BTRC: variants seen among roughly 807,000 people sequenced by gnomAD.
BTRC encodes beta-transducin repeat containing E3 ubiquitin protein ligase.
BTRC carries 42 observed loss-of-function variants against 85.5 expected under a neutral mutation model. The observed-to-expected ratio is 0.49, with a 90% CI of 0.38 to 0.64. BTRC has a LOEUF of 0.64. Ranked by LOEUF, BTRC falls within the 30% of genes least tolerant of loss-of-function variation. The pLI is 0.00. For synonymous variants in BTRC, 255 were observed against 263.3 expected, an observed-to-expected ratio of 0.97 and a Z score of 0.30; for missense variants, 594 against 743.5, an observed-to-expected ratio of 0.80 and a Z score of 2.34.
At chr10:101,392,836 T>C (rs1943272315) in intron 1 of BTRC, among the ~76,000 whole-genome samples, 1 of 152,232 alleles carries the variant, frequency 6.6e-6, no homozygotes, top group East Asian at 1.9e-4. Context: ...TTAAAAGTTT[T>C]AATATTCCCC....
At chr10:101,472,308 T>TCTTCTCTTCC (rs1314694973) in intron 3 of BTRC, among the ~76,000 whole-genome samples, 8 of 151,106 alleles carry the variant, frequency 5.3e-5, no homozygotes, top group African/African-American at 1.7e-4. Flanking sequence ...TCTTCTCTTC[T>TCTTCTCTTCC]CTTCTCTTCT....
At chr10:101,451,420 G>A (rs1015636545) in intron 2 of BTRC, among the ~76,000 whole-genome samples, 1 of 152,128 alleles carries the variant, frequency 6.6e-6, no homozygotes, top group Non-Finnish European at 1.5e-5. Context: ...ACATCAGCCA[G>A]AACAAGCATA....
intron 1 of BTRC, among the ~76,000 whole-genome samples, chr10:101,359,216 G>A (rs1590195327): frequency 6.6e-6 from 1 of 152,282 alleles, no homozygotes; most frequent in East Asian, 1.9e-4. Flanking sequence ...ATTGTCAGAT[G>A]TTTCACTGTA....
chr10:101,464,707 A>G (rs1041204029), intron 3 of BTRC, among the ~76,000 whole-genome samples: 7 of 152,188 alleles, frequency 4.6e-5, no homozygotes, highest in African/African-American at 1.7e-4. Context: ...GTTCTTGGAA[A>G]GAGAAATGGC....
At chr10:101,375,619 G>A (rs185561982) in intron 1 of BTRC, among the ~76,000 whole-genome samples, 64 of 152,306 alleles carry the variant, frequency 4.2e-4, no homozygotes, top group Admixed American at 7.2e-4. Context: ...GTAGCAAAGC[G>A]TTGCTTCAAG....
At chr10:101,489,717 A>AT (rs1039717589) in intron 4 of BTRC, among the ~76,000 whole-genome samples, 5 of 152,042 alleles carry the variant, frequency 3.3e-5, no homozygotes, top group African/African-American at 9.7e-5. Flanking sequence ...ATAAAATTGT[A>AT]TTTTTTCCTT....
chr10:101,363,615 C>T (rs1403719879), intron 1 of BTRC, among the ~76,000 whole-genome samples: 2 of 152,002 alleles, frequency 1.3e-5, no homozygotes, highest in African/African-American at 2.4e-5. Flanking sequence ...TGCACCACCA[C>T]GCCCGGCTAA....
At chr10:101,506,061 C>T (rs1477740919) in intron 4 of BTRC, among the ~76,000 whole-genome samples, 4 of 152,140 alleles carry the variant, frequency 2.6e-5, no homozygotes, top group South Asian at 4.1e-4. Flanking sequence ...CTACCGGTGC[C>T]GGCCACCATG....
rs547832683 is a variant in BTRC at position 101,495,446 on chromosome 10, G to A, written c.324+15989G>A. Among the ~76,000 whole-genome samples the A allele has an allele frequency of 3.0e-3, 464 of 152,228 alleles. 1 individual carries two copies. The highest frequency in any genetic ancestry group is 4.7e-3 in the Non-Finnish European group (317 of 68,028). On this transcript the variant is annotated intron_variant, in intron 4 of 14. Coordinates refer to ENST00000370187, the MANE Select transcript of BTRC (RefSeq NM_033637.4). ...AAGCAAATTAAAAATAAAAATCACCGTATTGCATTTAACCGTGGGCAGCAC... is the reference window on the plus strand; with the variant it reads ...AAGCAAATTAAAAATAAAAATCACCATATTGCATTTAACCGTGGGCAGCAC...
intron 2 of BTRC, among the ~76,000 whole-genome samples, chr10:101,448,993 G>GGCT (rs1944895367): frequency 3.3e-5 from 5 of 151,774 alleles, no homozygotes; most frequent in Admixed American, 3.3e-4. Flanking sequence ...GAAGGACACA[G>GGCT]TATAATAATA....
chr10:101,465,201 T>C (rs1945341806), intron 3 of BTRC, among the ~76,000 whole-genome samples: 1 of 152,220 alleles, frequency 6.6e-6, no homozygotes, highest in Non-Finnish European at 1.5e-5. Context: ...AGGATTTGCA[T>C]CTCATTAACT....
At chr10:101,448,878 A>G (rs186856529) in intron 2 of BTRC, among the ~76,000 whole-genome samples, 3 of 152,080 alleles carry the variant, frequency 2.0e-5, no homozygotes. Context: ...ATGCTGAGAC[A>G]TGTTTTTCAG....
chr10:101,491,863 G>C (rs1946142491), intron 4 of BTRC, among the ~76,000 whole-genome samples: 1 of 152,154 alleles, frequency 6.6e-6, no homozygotes, highest in Non-Finnish European at 1.5e-5. Context: ...GAAAAGGCTT[G>C]GGACAGGGAT....
rs1364182611 is a variant in BTRC at position 101,366,792 on chromosome 10, T to TATATATATTTATGTATATTAATA, written c.48+12564_48+12565insATATATATTTATGTATATTAATA. On this transcript the variant is annotated intron_variant, in intron 1 of 14. Transcript: ENST00000370187. The stretch of plus-strand genomic sequence containing the variant: ...TATATATATATATATATATATATTT[T>TATATATATTTATGTATATTAATA]TACATTTATATATATATTTATATAT... Among the ~76,000 whole-genome samples, 47 of 88,092 alleles carry TATATATATTTATGTATATTAATA rather than the reference T, an allele frequency of 5.3e-4. 2 individuals are homozygous for TATATATATTTATGTATATTAATA. Among genetic ancestry groups the TATATATATTTATGTATATTAATA allele is most frequent in the African/African-American group, 1.8e-3 (42 of 23,846 alleles). The allele number at this position is 88,092 out of a possible 152,430, so 57.8% of individuals were successfully genotyped here.
At position 101,547,745 on chromosome 10, in the gene BTRC, A is replaced by T. The variant is rs1188622446; in HGVS notation, c.1657-2954A>T. Among the ~76,000 whole-genome samples the T allele has an allele frequency of 4.6e-5, 7 of 152,316 alleles. No individual in the cohort carries two copies. In the East Asian group the frequency reaches 5.8e-4, roughly 13 times the overall value. On this transcript the variant is annotated intron_variant, in intron 13 of 14. Transcript: ENST00000370187. ...AATGTAGTAACTCTGAAATTTTTTA[A>T]AAAATCTCGACAAAATATTAGCAAA...
intron 3 of BTRC, among the ~76,000 whole-genome samples, chr10:101,473,423 A>G (rs1453035899): frequency 2.1e-5 from 3 of 146,316 alleles, no homozygotes; most frequent in Non-Finnish European, 3.0e-5. Flanking sequence ...AGCTGGGACT[A>G]CAGGTGTGCA....
chr10:101,441,361 C>G (rs574323809), intron 2 of BTRC, among the ~76,000 whole-genome samples: 1 of 152,184 alleles, frequency 6.6e-6, no homozygotes, highest in African/African-American at 2.4e-5. Flanking sequence ...ATTATTTAAA[C>G]TCCAGGCTTG....
intron 1 of BTRC, among the ~76,000 whole-genome samples, chr10:101,366,818 A>AT (rs1293648944): frequency 1.8e-5 from 1 of 55,164 alleles, no homozygotes. Context: ...ATTTATATAT[A>AT]TTAATATATA....
intron 1 of BTRC, among the ~76,000 whole-genome samples, chr10:101,372,818 C>T (rs1370981916): frequency 6.6e-6 from 1 of 151,788 alleles, no homozygotes; most frequent in Non-Finnish European, 1.5e-5. Flanking sequence ...TGTGATCATG[C>T]CACTGCACTG....
Sources: allele counts gnomAD v4.1 joint callset (sites outside exome capture counted in the v4.1 genomes callset), GRCh38; gene constraint gnomAD v4.1.1; transcripts MANE v1.5; gene names NCBI Gene and HGNC (gene_info 2026-07-23, HGNC 2026-07-21).